Variants in CCDC85A observed in about 807,000 individuals in gnomAD.
CCDC85A encodes coiled-coil domain-containing protein 85A.
In CCDC85A, 38 loss-of-function variants were observed where a neutral mutation model predicts 50.2. That is an observed-to-expected ratio of 0.76 (90% confidence interval 0.58 to 0.99). The LOEUF (loss-of-function observed/expected upper bound fraction) is 0.99, where lower values mean the gene tolerates loss of function less well. Ranked by LOEUF, CCDC85A falls within the 50% of genes least tolerant of loss-of-function variation. The pLI, the probability that CCDC85A is intolerant of heterozygous loss-of-function variation, is 0.00. For synonymous variants in CCDC85A, 366 were observed against 301.4 expected (o/e 1.21, Z -2.22); for missense variants, 820 against 742.0 (o/e 1.11, Z -1.22).
At chr2:56,375,175 A>G (rs1019914399) in intron 4 of CCDC85A, among the ~76,000 whole-genome samples, 3 of 152,230 alleles carry the variant, frequency 2.0e-5, no homozygotes, top group African/African-American at 7.2e-5. Context: ...TGGCCTGCAC[A>G]TGTCAAATTA....
intron 2 of CCDC85A, among the ~76,000 whole-genome samples, chr2:56,256,342 GAATT>G (rs1288181243): frequency 2.0e-5 from 3 of 152,104 alleles, no homozygotes; most frequent in Non-Finnish European, 4.4e-5. Flanking sequence ...TGGTGTATGA[GAATT>G]AATTAATGGG....
intron 2 of CCDC85A, among the ~76,000 whole-genome samples, chr2:56,261,818 G>A (rs1292798040): frequency 6.6e-6 from 1 of 152,116 alleles, no homozygotes; most frequent in Non-Finnish European, 1.5e-5. Flanking sequence ...TAGGTGAAGT[G>A]GATGTTGGAG....
At chr2:56,342,685 G>C (rs945734283) in intron 2 of CCDC85A, among the ~76,000 whole-genome samples, 194 bp from the exon 3 acceptor site, 1 of 152,012 alleles carries the variant, frequency 6.6e-6, no homozygotes, top group Non-Finnish European at 1.5e-5. Flanking sequence ...TCTTAACGTT[G>C]TAAAATTGTT....
chr2:56,382,206 C>A (rs1373615390), intron 5 of CCDC85A, among the ~76,000 whole-genome samples: 2 of 151,950 alleles, frequency 1.3e-5, no homozygotes, highest in Non-Finnish European at 2.9e-5. Flanking sequence ...AGTTGTGAAA[C>A]TAGCAAAGAT....
At chr2:56,370,395 A>G (rs781395942) in intron 3 of CCDC85A, among the ~76,000 whole-genome samples, 3 of 152,074 alleles carry the variant, frequency 2.0e-5, no homozygotes, top group Non-Finnish European at 4.4e-5. Context: ...ACACTTTTCT[A>G]TATACCTAGA....
intron 3 of CCDC85A, among the ~76,000 whole-genome samples, chr2:56,344,547 T>C (rs1258264503): frequency 6.6e-6 from 1 of 152,238 alleles, no homozygotes; most frequent in Non-Finnish European, 1.5e-5. Context: ...TTCTATCTCT[T>C]CTCAAACTGT....
At chr2:56,363,698 TTCCTG>T (rs1192154364) in intron 3 of CCDC85A, among the ~76,000 whole-genome samples, 4 of 152,220 alleles carry the variant, frequency 2.6e-5, no homozygotes, top group Admixed American at 2.0e-4. Flanking sequence ...CACTGTTTAG[TTCCTG>T]GGGCTCTAGT....
chr2:56,333,188 G>A, intron 2 of CCDC85A, among the ~76,000 whole-genome samples: 1 of 152,196 alleles, frequency 6.6e-6, no homozygotes. Context: ...GGATAAAGCA[G>A]ATCAGGAGTG....
intron 3 of CCDC85A, among the ~76,000 whole-genome samples, chr2:56,371,388 A>C (rs1376950230): frequency 3.9e-5 from 6 of 152,008 alleles, no homozygotes; most frequent in Non-Finnish European, 8.8e-5. Context: ...CGCTAACTTC[A>C]AAAAAAATGA....
chr2:56,240,169 C>T (rs916333872), intron 2 of CCDC85A, among the ~76,000 whole-genome samples: 17 of 152,256 alleles, frequency 1.1e-4, no homozygotes, highest in South Asian at 2.1e-4. Flanking sequence ...AGTTGCTCCC[C>T]GTTTCCCCTT....
chr2:56,372,952 G>A (rs983097733), intron 4 of CCDC85A, among the ~76,000 whole-genome samples: 1 of 152,152 alleles, frequency 6.6e-6, no homozygotes, highest in African/African-American at 2.4e-5. Context: ...GTTTGGCTCA[G>A]TAGCATATTT....
intron 4 of CCDC85A, among the ~76,000 whole-genome samples, chr2:56,372,743 T>A (rs1473665517): frequency 1.3e-5 from 2 of 152,190 alleles, no homozygotes; most frequent in African/African-American, 4.8e-5. Context: ...CATTTCATGA[T>A]AAAAGGAGTT....
At chr2:56,358,373 C>T (rs140947790) in intron 3 of CCDC85A, among the ~76,000 whole-genome samples, 2 of 152,310 alleles carry the variant, frequency 1.3e-5, no homozygotes, top group East Asian at 3.9e-4. Flanking sequence ...CAGCAAAGGA[C>T]ATTTGTCTAT....
At chr2:56,370,686 G>A (rs17190219) in intron 3 of CCDC85A, among the ~76,000 whole-genome samples, 9 of 152,022 alleles carry the variant, frequency 5.9e-5, no homozygotes, top group Non-Finnish European at 1.5e-5. Context: ...GTAGCTAAAT[G>A]GCGCTCATGC....
chr2:56,257,625 G>T (rs1670038529), intron 2 of CCDC85A, among the ~76,000 whole-genome samples: 1 of 152,056 alleles, frequency 6.6e-6, no homozygotes, highest in African/African-American at 2.4e-5. Flanking sequence ...GATTGTGTAA[G>T]GAATTTTGAC....
chr2:56,301,101 A>C (rs1672182744), intron 2 of CCDC85A, among the ~76,000 whole-genome samples: 1 of 152,194 alleles, frequency 6.6e-6, no homozygotes. Context: ...ATTTAGAAAA[A>C]AGTCAAATTC....
chr2:56,214,696 G>C (rs1422819598), intron 2 of CCDC85A, among the ~76,000 whole-genome samples: 2 of 151,796 alleles, frequency 1.3e-5, no homozygotes, highest in Non-Finnish European at 2.9e-5. Flanking sequence ...GTATTTGTGT[G>C]GGTCTGTTTC....
chr2:56,251,993 T>C (rs1012937754), intron 2 of CCDC85A, among the ~76,000 whole-genome samples: 3 of 152,082 alleles, frequency 2.0e-5, no homozygotes, highest in African/African-American at 7.2e-5. Context: ...TTTGACCTAG[T>C]CTTTTATGTC....
At chr2:56,230,412 A>G (rs1166486796) in intron 2 of CCDC85A, among the ~76,000 whole-genome samples, 2 of 152,208 alleles carry the variant, frequency 1.3e-5, no homozygotes, top group Non-Finnish European at 2.9e-5. Flanking sequence ...CGTAAAAGAG[A>G]TAATGACTCA....
Sources: gnomAD v4.1 joint callset for allele counts (sites outside exome capture counted in the v4.1 genomes callset) on GRCh38, gnomAD v4.1.1 for gene constraint, MANE v1.5 for transcripts, NCBI Gene and HGNC (gene_info 2026-07-23, HGNC 2026-07-21) for gene names.